PCDH15: variants seen among roughly 807,000 people sequenced by gnomAD.
PCDH15 encodes the protein protocadherin-15.
A neutral mutation model predicts 178.5 loss-of-function variants in PCDH15; 129 were observed. The ratio of observed to expected loss-of-function variants is 0.72; its 90% CI spans 0.63 to 0.84. PCDH15 has a LOEUF of 0.84. Among genes scored for constraint, PCDH15 ranks in the 40% least tolerant of loss-of-function variants. PCDH15 has a pLI of 0.00. For missense variants in PCDH15, 2,230 were observed against 2,099.9 expected, an observed-to-expected ratio of 1.06 and a Z score of -1.21; for synonymous variants, 800 against 732.0, an observed-to-expected ratio of 1.09 and a Z score of -1.50.
chr10:55,490,433 T>A (rs528193820), intron 2 of PCDH15, among the ~76,000 whole-genome samples: 1 of 151,926 alleles, frequency 6.6e-6, no homozygotes, highest in East Asian at 2.0e-4. Context: ...AAATTCACCA[T>A]GAATGTATAA....
chr10:54,726,448 G>A (rs1189412847), intron 1 of PCDH15, among the ~76,000 whole-genome samples: 2 of 151,100 alleles, frequency 1.3e-5, no homozygotes, highest in African/African-American at 2.4e-5. Context: ...GTGTGTGTGT[G>A]TGTGTGTGTG....
chr10:55,232,539 CTGAGTGTAGGCT>C (rs1288035154), intron 1 of PCDH15, among the ~76,000 whole-genome samples: 10 of 152,088 alleles, frequency 6.6e-5, no homozygotes, highest in Admixed American at 3.3e-4. Context: ...TTTCCTCCTA[CTGAGTGTAGGCT>C]GAACCCAATA....
intron 2 of PCDH15, among the ~76,000 whole-genome samples, chr10:54,579,763 A>G (rs927779639): frequency 1.3e-5 from 2 of 152,012 alleles, no homozygotes; most frequent in Non-Finnish European, 2.9e-5. Flanking sequence ...ACAAAAAATT[A>G]AAATCATATC....
intron 3 of PCDH15, among the ~76,000 whole-genome samples, chr10:54,433,126 G>A (rs1161186874): frequency 6.6e-6 from 1 of 152,172 alleles, no homozygotes; most frequent in East Asian, 1.9e-4. Flanking sequence ...GGGTGGGAAT[G>A]TAAATTAGTA....
At chr10:54,101,570 G>T (rs1348234661) in intron 15 of PCDH15, among the ~76,000 whole-genome samples, 5 of 152,080 alleles carry the variant, frequency 3.3e-5, no homozygotes, top group Admixed American at 2.0e-4. Flanking sequence ...AAATAAGCAG[G>T]ATTGGAGCAT....
At chr10:55,587,551 T>C (rs1842749108) in intron 2 of PCDH15, among the ~76,000 whole-genome samples, 3 of 152,138 alleles carry the variant, frequency 2.0e-5, no homozygotes, top group Non-Finnish European at 4.4e-5. Flanking sequence ...AGTTTAATCC[T>C]TCTGAAATAA....
intron 1 of PCDH15, among the ~76,000 whole-genome samples, chr10:55,192,589 C>G (rs1473849030): frequency 6.6e-6 from 1 of 151,690 alleles, no homozygotes; most frequent in Non-Finnish European, 1.5e-5. Context: ...CCCAAGGAAT[C>G]ACATTATAGC....
At chr10:54,414,413 A>C (rs1028515652) in intron 3 of PCDH15, among the ~76,000 whole-genome samples, 3 of 152,126 alleles carry the variant, frequency 2.0e-5, no homozygotes, top group Admixed American at 6.5e-5. Flanking sequence ...TAACTCTATA[A>C]AAAGAAAGTT....
At chr10:55,295,554 ATTAG>A (rs1843111845) in intron 1 of PCDH15, among the ~76,000 whole-genome samples, 1 of 152,228 alleles carries the variant, frequency 6.6e-6, no homozygotes. Flanking sequence ...AATCTTTTGT[ATTAG>A]GTAATGAAAA....
intron 13 of PCDH15, among the ~76,000 whole-genome samples, chr10:54,158,689 T>C (rs1343643857): frequency 2.7e-5 from 4 of 145,918 alleles, no homozygotes; most frequent in Non-Finnish European, 1.5e-5. Context: ...AACAAAAACA[T>C]TCAAATTGGA....
At chr10:54,996,799 G>A (rs1039935388) in intron 2 of PCDH15, among the ~76,000 whole-genome samples, 5 of 151,970 alleles carry the variant, frequency 3.3e-5, no homozygotes, top group Non-Finnish European at 5.9e-5. Flanking sequence ...TGGAGTCTGG[G>A]GAGGTTTGGC....
intron 3 of PCDH15, among the ~76,000 whole-genome samples, chr10:54,862,546 C>T (rs554457629): frequency 8.5e-5 from 13 of 152,232 alleles, no homozygotes; most frequent in East Asian, 3.9e-4. Context: ...TGATCCCCAA[C>T]GCAGCATTGT....
In PCDH15 at chr10:54,090,693, G is replaced by A. The variant is rs564491746; in HGVS notation, c.1918-630C>T. Reference sequence around the variant, plus strand: ...AAACTATGTTTACAGTGTCGATAAAGTGTTTAATGTATATTCTTTTCTTTT... The same window carrying A: ...AAACTATGTTTACAGTGTCGATAAAATGTTTAATGTATATTCTTTTCTTTT... On this transcript the variant is annotated intron_variant, in intron 15 of 37. Coordinates refer to ENST00000644397, the MANE Select transcript of PCDH15 (RefSeq NM_001384140.1). 1.2e-3 allele frequency among the ~76,000 whole-genome samples: 185 copies of A among 149,156 alleles called. 1 individual carries two copies. The highest frequency in any genetic ancestry group is 7.2e-4 in the Non-Finnish European group (49 of 67,610).
At chr10:54,916,985 C>G (rs1837353431) in intron 2 of PCDH15, among the ~76,000 whole-genome samples, 1 of 152,142 alleles carries the variant, frequency 6.6e-6, no homozygotes, top group East Asian at 1.9e-4. Context: ...ACACAGAAAA[C>G]AAGAAAGAGT....
chr10:54,925,086 A>G (rs1325606948), intron 2 of PCDH15, among the ~76,000 whole-genome samples: 1 of 152,062 alleles, frequency 6.6e-6, no homozygotes, highest in Non-Finnish European at 1.5e-5. Flanking sequence ...TGGGTTCTAT[A>G]TTTAAGTTTT....
At chr10:55,097,328 C>T (rs1369212659) in intron 2 of PCDH15, among the ~76,000 whole-genome samples, 7 of 152,010 alleles carry the variant, frequency 4.6e-5, no homozygotes, top group Admixed American at 2.0e-4. Context: ...TAAATTAAAG[C>T]TTAAGAAGTA....
chr10:54,505,094 T>A (rs1483533860), intron 3 of PCDH15, among the ~76,000 whole-genome samples: 1 of 152,112 alleles, frequency 6.6e-6, no homozygotes, highest in Non-Finnish European at 1.5e-5. Context: ...CACTTCTGCT[T>A]ATAGTGACTG....
chr10:55,201,822 G>A (rs1300680728), intron 1 of PCDH15, among the ~76,000 whole-genome samples: 1 of 152,098 alleles, frequency 6.6e-6, no homozygotes, highest in African/African-American at 2.4e-5. Context: ...TTTTTTAAAT[G>A]AAATAATACC....
In PCDH15 at chr10:55,463,991, G is replaced by GAGAAAGAAAGAA. The variant is rs1225302628; in HGVS notation, c.-156+163622_-156+163633dup. Reference sequence around the variant, plus strand: ...AAAGAAAGAGAAAGAAAGAAAGAAAGAGAAAGAAAGAAAGAAAGAAAGAAA... The same window carrying GAGAAAGAAAGAA: ...AAAGAAAGAGAAAGAAAGAAAGAAAGAGAAAGAAAGAAAGAAAGAAAGAAAGAAAGAAAGAAA... On this transcript the variant is annotated intron_variant, in intron 2 of 5. Coordinates refer to the PCDH15 transcript ENST00000613346. 7.6e-4 allele frequency among the ~76,000 whole-genome samples: 16 copies of GAGAAAGAAAGAA among 21,108 alleles called. 2 individuals carry two copies. Among genetic ancestry groups the GAGAAAGAAAGAA allele is most frequent in the South Asian group, 6.5e-3 (3 of 460 alleles). 13.8% of individuals were successfully genotyped at this position (21,108 alleles called of 152,430 possible).
Sources: gnomAD v4.1 joint callset for allele counts (sites outside exome capture counted in the v4.1 genomes callset) on GRCh38, gnomAD v4.1.1 for gene constraint, MANE v1.5 for transcripts, NCBI Gene and HGNC (gene_info 2026-07-23, HGNC 2026-07-21) for gene names.